Variants in FARP1 observed in about 807,000 individuals in gnomAD.
The protein encoded by FARP1 is FERM, ARH/RhoGEF and pleckstrin domain protein 1.
FARP1 carries 52 observed loss-of-function variants against 128.8 expected under a neutral mutation model. The observed-to-expected ratio is 0.40, with a 90% CI of 0.32 to 0.51. The LOEUF (loss-of-function observed/expected upper bound fraction) is 0.51, where lower values mean the gene tolerates loss of function less well. Among genes scored for constraint, FARP1 ranks in the 20% least tolerant of loss-of-function variants. The probability of loss-of-function intolerance (pLI) is 0.45; values close to 1 mark genes in which losing one functional copy is unlikely to be tolerated. For synonymous variants in FARP1, 580 were observed against 551.8 expected, an observed-to-expected ratio of 1.05 and a Z score of -0.72; for missense variants, 1,333 against 1,367.9, an observed-to-expected ratio of 0.97 and a Z score of 0.40.
In FARP1 at chr13:98,275,628, C is replaced by CTT. The variant is rs201108793; in HGVS notation, c.171+62232_171+62233dup. Among the ~76,000 whole-genome samples, 353 of 67,066 alleles carry CTT rather than the reference C, an allele frequency of 5.3e-3. 3 individuals are homozygous for CTT. The highest frequency in any genetic ancestry group is 0.012 in the African/African-American group (271 of 23,370). The allele number at this position is 67,066 out of a possible 152,430, so 44.0% of individuals were successfully genotyped here. A position where few individuals can be genotyped will look rare whatever the true frequency, so the allele number is the denominator to read the frequency against. ...CCCCCCACTTCTTTTCTCTTTCTCT[C>CTT]TTTTTTTTTTTTTTTTTTGCATCTC... On this transcript the variant is annotated intron_variant, in intron 2 of 26. Transcript: ENST00000319562.
intron 2 of FARP1, among the ~76,000 whole-genome samples, chr13:98,247,626 G>T (rs1356586902): frequency 1.3e-5 from 2 of 152,222 alleles, no homozygotes; most frequent in Non-Finnish European, 2.9e-5. Context: ...CTGGGATCCA[G>T]GGCAGGGGAG....
chr13:98,217,771 G>C (rs1016648727), intron 2 of FARP1, among the ~76,000 whole-genome samples: 16 of 152,218 alleles, frequency 1.1e-4, no homozygotes, highest in Non-Finnish European at 2.2e-4. Context: ...CTTGCAGGTA[G>C]AGTGGCCACT....
intron 2 of FARP1, among the ~76,000 whole-genome samples, chr13:98,243,884 G>T (rs1471104324): frequency 1.3e-5 from 2 of 151,996 alleles, no homozygotes; most frequent in African/African-American, 2.4e-5. Context: ...ACTCCCTGCT[G>T]TACATGTGGA....
intron 2 of FARP1, among the ~76,000 whole-genome samples, chr13:98,279,398 T>TTC (rs1555333562): frequency 6.6e-6 from 1 of 152,222 alleles, no homozygotes; most frequent in African/African-American, 2.4e-5. Context: ...AAAAATTTGC[T>TTC]CCCCCTTGCA....
At chr13:98,371,888 A>G (rs58989609) in intron 5 of FARP1, among the ~76,000 whole-genome samples, 8,678 of 152,100 alleles carry the variant, frequency 0.057, 572 homozygotes, top group African/African-American at 0.16. Flanking sequence ...CTTCCCATTG[A>G]TATAGATAGG....
At chr13:98,371,363 C>A (rs1337231348) in intron 5 of FARP1, among the ~76,000 whole-genome samples, 6 of 152,072 alleles carry the variant, frequency 3.9e-5, no homozygotes, top group Non-Finnish European at 8.8e-5. Flanking sequence ...ACCATCGAGC[C>A]GCATGTGCCT....
intron 1 of FARP1, among the ~76,000 whole-genome samples, chr13:98,166,724 CT>C (rs60609331): frequency 0.099 from 13,580 of 136,924 alleles, 683 homozygotes; most frequent in African/African-American, 0.16. Context: ...GTTTTTCTTT[CT>C]TTTTTTTTTT....
At chr13:98,404,941 A>T (rs1555292412) in intron 13 of FARP1, 2 of 152,210 alleles carry the variant, frequency 1.3e-5, no homozygotes, top group Non-Finnish European at 2.9e-5. Context: ...ATAGGAAAAA[A>T]TAATACCTAT....
chr13:98,394,746 A>G (rs1183554457), intron 12 of FARP1, among the ~76,000 whole-genome samples: 2 of 152,268 alleles, frequency 1.3e-5, no homozygotes, highest in Admixed American at 6.5e-5. Flanking sequence ...CGCAGCCTGG[A>G]CAACACAGGG....
chr13:98,332,066 TGTG>T (rs966836190), intron 2 of FARP1, among the ~76,000 whole-genome samples: 3 of 152,176 alleles, frequency 2.0e-5, no homozygotes, highest in East Asian at 1.9e-4. Context: ...ATTTTTTAAT[TGTG>T]GTAAAATATA....
chr13:98,445,000 C>T (rs1159323915), intron 24 of FARP1, among the ~76,000 whole-genome samples: 6 of 152,148 alleles, frequency 3.9e-5, no homozygotes, highest in African/African-American at 7.2e-5. Context: ...CCTGGAATGC[C>T]CTTTCTCCCC....
chr13:98,231,330 G>T (rs993446021), intron 2 of FARP1, among the ~76,000 whole-genome samples: 56 of 151,946 alleles, frequency 3.7e-4, no homozygotes, highest in African/African-American at 1.2e-3. Context: ...GACAAGCTTA[G>T]TGGCAGTCAA....
rs141613811 is a variant in FARP1, at chr13:98,146,332, G to A, written c.-24+2840G>A. On this transcript the variant is annotated intron_variant, in intron 1 of 26. Transcript: ENST00000319562. ...AAACCTCTGCCTCCCAGGTTCAAGC[G>A]ATTCTCCTGCCTCAGCCTCCCCAGT... Among the ~76,000 whole-genome samples, 305 of 152,220 alleles carry A rather than the reference G, an allele frequency of 2.0e-3. 5 individuals carry two copies. The highest frequency in any genetic ancestry group is 4.9e-4 in the Non-Finnish European group (33 of 68,022).
intron 2 of FARP1, among the ~76,000 whole-genome samples, chr13:98,254,077 C>T (rs1157901257): frequency 2.6e-5 from 4 of 152,260 alleles, no homozygotes; most frequent in Middle Eastern, 3.4e-3. Flanking sequence ...AACTCATTTG[C>T]CCATCATTAT....
chr13:98,423,593 G>A (rs185735248), intron 16 of FARP1, among the ~76,000 whole-genome samples: 53 of 152,286 alleles, frequency 3.5e-4, no homozygotes, highest in African/African-American at 1.2e-3. Context: ...CTGGCACAAC[G>A]GTTAGGCGTG....
chr13:98,304,975 T>G (rs1200558143), intron 2 of FARP1, among the ~76,000 whole-genome samples: 1 of 152,184 alleles, frequency 6.6e-6, no homozygotes, highest in Non-Finnish European at 1.5e-5. Context: ...GTCTGTATTC[T>G]TTGTGTTGAG....
intron 1 of FARP1, among the ~76,000 whole-genome samples, chr13:98,201,963 A>G (rs1879982427): frequency 6.6e-6 from 1 of 152,230 alleles, no homozygotes; most frequent in Admixed American, 6.5e-5. Context: ...TGTCTGGTTG[A>G]TGTAAAACAG....
chr13:98,323,337 T>C (rs1246967321), intron 2 of FARP1, among the ~76,000 whole-genome samples: 2 of 152,036 alleles, frequency 1.3e-5, no homozygotes, highest in Non-Finnish European at 2.9e-5. Flanking sequence ...GCAACTCGAT[T>C]TTATTTAAAA....
intron 12 of FARP1, 69 bp from the exon 13 acceptor site, chr13:98,395,158 G>C: frequency 1.3e-6 from 2 of 1,505,036 alleles, no homozygotes; most frequent in Non-Finnish European, 1.8e-6. Flanking sequence ...CTCCTTTTCT[G>C]TTTTCAGCCT....
Sources: allele counts gnomAD v4.1 joint callset (sites outside exome capture counted in the v4.1 genomes callset), GRCh38; gene constraint gnomAD v4.1.1; transcripts MANE v1.5; gene names NCBI Gene and HGNC (gene_info 2026-07-23, HGNC 2026-07-21).